ITGB4: variants seen among roughly 807,000 people sequenced by gnomAD.
The protein encoded by ITGB4 is integrin subunit beta 4.
In ITGB4, 159 loss-of-function variants were observed where a neutral mutation model predicts 207.6. That is an observed-to-expected ratio of 0.77 (90% CI 0.67 to 0.87). The LOEUF is 0.87. ITGB4 is among the 40% of genes least tolerant of loss of function. The probability of loss-of-function intolerance (pLI) is 0.00; values close to 1 mark genes in which losing one functional copy is unlikely to be tolerated. For synonymous variants in ITGB4, 1,020 were observed against 1,062.7 expected (o/e 0.96, Z 0.78); for missense variants, 2,278 against 2,546.8 (o/e 0.89, Z 2.27).
chr17:75,739,773 A>C lies in ITGB4; in HGVS notation c.2254+68A>C. On this transcript the variant is annotated intron_variant, in intron 19 of 39. Coordinates refer to ENST00000200181, the MANE Select transcript of ITGB4 (RefSeq NM_000213.5). This position sits in a 1 kb window ranked among gnomAD's most constrained non-coding sequence, Gnocchi z 5.4. ...TCTTTCTCTGAGCTGGGGTGGAGGGAAGCTGAACCTGGAACGGCAGAGGCT... is the reference window on the plus strand; with the variant it reads ...TCTTTCTCTGAGCTGGGGTGGAGGGCAGCTGAACCTGGAACGGCAGAGGCT... The C allele has an allele frequency of 1.9e-6, 3 of 1,611,350 alleles. No homozygotes were observed. Among genetic ancestry groups the C allele is most frequent in the Non-Finnish European group, 2.5e-6 (3 of 1,177,778 alleles).
chr17:75,748,853 G>A lies in ITGB4; in HGVS notation c.3124G>A (p.Val1042Met), dbSNP rs141564265. The stretch of plus-strand genomic sequence containing the variant: ...CCTCCACTCCCAGGACTACATCCCC[G>A]TGGAGGGTGAGCTGCTGTTCCAGCC... Reference protein sequence around the residue: ...TAQGNRDYIPVEGELLFQPGE... With the variant: ...TAQGNRDYIPMEGELLFQPGE... The change falls in exon 27 of 40, where the codon GTG becomes ATG. Residue 1042 changes from valine (V) to methionine (M), a missense_variant. Transcript: ENST00000200181. The A allele has an allele frequency of 6.9e-5, 111 of 1,610,440 alleles. No individual in the cohort carries two copies. The highest frequency in any genetic ancestry group is 9.0e-5 in the Non-Finnish European group (106 of 1,178,948).
intron 30 of ITGB4, 79 bp from the exon 31 acceptor site, chr17:75,752,095 G>A: frequency 1.3e-6 from 2 of 1,482,264 alleles, no homozygotes; most frequent in Non-Finnish European, 1.9e-6. Flanking sequence ...GGGATGCACG[G>A]CCGTCCTGCT....
In ITGB4 at chr17:75,750,207, C is replaced by T. The variant is rs1381451129; in HGVS notation, c.3413C>T (p.Ala1138Val). Residue 1138 changes from alanine (A) to valine (V), a missense_variant, in exon 28 of 40, where the codon GCT becomes GTT. Coordinates refer to ENST00000200181, the MANE Select transcript of ITGB4 (RefSeq NM_000213.5). The surrounding 1 kb of genome is among the most constrained non-coding windows in gnomAD (Gnocchi z 5.5). ...CCGCAGAACCCCAATGCTAAGGCCG[C>T]TGGGTCCAGGAAGATCCATTTCAAC... ...GAPQNPNAKA[A>V]GSRKIHFNWL... is the part of the protein sequence containing the mutation. The T allele has an allele frequency of 6.2e-7, 1 of 1,613,728 alleles. No homozygotes were observed. Among genetic ancestry groups the T allele is most frequent in the Non-Finnish European group, 8.5e-7 (1 of 1,180,028 alleles).
At chr17:75,753,690 C>G in intron 32 of ITGB4, 75 bp from the exon 33 acceptor site, 1 of 1,027,706 alleles carries the variant, frequency 9.7e-7, no homozygotes, top group East Asian at 3.2e-5. Context: ...GCAGAGCCTA[C>G]GGCCTTCCCC....
chr17:75,739,531 C>G lies in ITGB4; in HGVS notation c.2221-141C>G, dbSNP rs1007197623. The stretch of plus-strand genomic sequence containing the variant: ...TGCCCTTGTGTGCCATGCTTACACC[C>G]TGCTACCACCTGGATATTCTGGTGT... On this transcript the variant is annotated intron_variant, in intron 18 of 39. Coordinates refer to ENST00000200181, the MANE Select transcript of ITGB4 (RefSeq NM_000213.5). This position sits in a 1 kb window ranked among gnomAD's most constrained non-coding sequence, Gnocchi z 5.4. 1 of 951,696 alleles carries G rather than the reference C, an allele frequency of 1.1e-6. No individual in the cohort carries two copies. The allele number at this position is 951,696 out of a possible 1,614,324, so 59.0% of individuals were successfully genotyped here. A position where few individuals can be genotyped will look rare whatever the true frequency, so the allele number is the denominator to read the frequency against.
chr17:75,724,160 A>C (rs571196163), intron 1 of ITGB4, among the ~76,000 whole-genome samples: 2 of 152,328 alleles, frequency 1.3e-5, no homozygotes, highest in East Asian at 3.9e-4. Flanking sequence ...AACCCGGTGC[A>C]GTAAGCCACT....
intron 27 of ITGB4, among the ~76,000 whole-genome samples, chr17:75,749,656 G>A (rs1349531291): frequency 6.6e-6 from 1 of 152,216 alleles, no homozygotes; most frequent in Non-Finnish European, 1.5e-5. Flanking sequence ...TCAGACCCTG[G>A]CCCTTTGGCT....
intron 13 of ITGB4, among the ~76,000 whole-genome samples, chr17:75,734,131 T>TG (rs2060924351): frequency 7.3e-6 from 1 of 137,274 alleles, no homozygotes. Context: ...GCTGCTGTTT[T>TG]TTTTTTTTTT....
At chr17:75,738,667 G>A (rs140162164) in intron 18 of ITGB4, among the ~76,000 whole-genome samples, 275 of 152,364 alleles carry the variant, frequency 1.8e-3, no homozygotes, top group African/African-American at 6.3e-3. Context: ...CTGCCCGCCC[G>A]CAGCTGGCGG....
In ITGB4 at chr17:75,742,635, G is replaced by A. The variant is rs535052692; in HGVS notation, c.2836G>A (p.Val946Met). The A allele has an allele frequency of 1.9e-6, 3 of 1,614,068 alleles. No homozygotes were observed. Among genetic ancestry groups the A allele is most frequent in the Middle Eastern group, 1.6e-4 (1 of 6,062 alleles). Residue 946 changes from valine (V) to methionine (M), a missense_variant, in exon 25 of 40, where the codon GTG becomes ATG. Physicochemically the swap from Val to Met is conservative, Grantham distance 21. Transcript: ENST00000200181. The surrounding 1 kb of genome is among the most constrained non-coding windows in gnomAD (Gnocchi z 5.9). ...GGGCGTGGAGCTGGTGGACGTACGGGTGCCCCTCTTTATCCGGCCTGAGGA... is the reference window on the plus strand; with the variant it reads ...GGGCGTGGAGCTGGTGGACGTACGGATGCCCCTCTTTATCCGGCCTGAGGA... ...QEGVELVDVRVPLFIRPEDDD... is the reference protein window; with the variant it reads ...QEGVELVDVRMPLFIRPEDDD...
In ITGB4 at chr17:75,740,729, C is replaced by T. The variant is rs2061089010; in HGVS notation, c.2551-64C>T. 5 of 1,580,338 alleles carry T rather than the reference C, an allele frequency of 3.2e-6. No homozygotes were observed. In the Admixed American group the frequency reaches 5.0e-5, roughly 16 times the overall value. ...AGAGGCTGCCTGGCTCCCTGGGTCC[C>T]CAGCCTGAGGGCTTGCCACGGGGTG... On this transcript the variant is annotated intron_variant, in intron 21 of 39. Coordinates refer to ENST00000200181, the MANE Select transcript of ITGB4 (RefSeq NM_000213.5). This position sits in a 1 kb window ranked among gnomAD's most constrained non-coding sequence, Gnocchi z 5.9.
intron 36 of ITGB4, 35 bp from the exon 37 acceptor site, chr17:75,756,669 C>A (rs1212821200): frequency 6.2e-7 from 1 of 1,613,298 alleles, no homozygotes; most frequent in Admixed American, 1.7e-5. Context: ...CCACCACCCA[C>A]CCACAGGCTG....
At position 75,732,017 on chromosome 17, in the gene ITGB4, G is replaced by C. The variant is rs1303786072; in HGVS notation, c.1377+44G>C. ...GGGCGGGAGGGGAGAGCTGAGCCAA[G>C]CACCCAGGGACCCTGAGGAATGAAG... On this transcript the variant is annotated intron_variant, in intron 11 of 39. Transcript: ENST00000200181. This position sits in a 1 kb window ranked among gnomAD's most constrained non-coding sequence, Gnocchi z 5.3. 1.2e-6 allele frequency: 2 copies of C among 1,613,558 alleles called. No individual in the cohort carries two copies. The highest frequency in any genetic ancestry group is 3.3e-5 in the Admixed American group (2 of 60,024).
At chr17:75,743,962 C>A in intron 26 of ITGB4, 101 bp downstream of exon 26, 2 of 1,316,906 alleles carry the variant, frequency 1.5e-6, no homozygotes, top group Non-Finnish European at 1.0e-6. Context: ...GCTTGAGTCC[C>A]TGGATACTGG....
At chr17:75,749,932 C>T (rs761853587) in intron 27 of ITGB4, among the ~76,000 whole-genome samples, 179 bp from the exon 28 acceptor site, 6 of 152,244 alleles carry the variant, frequency 3.9e-5, no homozygotes, top group Non-Finnish European at 7.3e-5. Flanking sequence ...CTCCGCCAAG[C>T]TTGGCAGGAT....
Position 75,730,807 on chromosome 17 carries a change from G to A in ITGB4, c.1003-68G>A, listed in dbSNP as rs2060839575. ...CCTCAGTTTCCCCATCCTCAAAGTG[G>A]GAAGAATCCTAGAGCTGTTCAGATT... On this transcript the variant is annotated intron_variant, in intron 8 of 39. Transcript: ENST00000200181. The A allele has an allele frequency of 1.1e-5, 16 of 1,403,820 alleles. No homozygotes were observed. The South Asian group carries it at 1.8e-4, about 16-fold the overall frequency. The allele number at this position is 1,403,820 out of a possible 1,614,324, so 87.0% of individuals were successfully genotyped here. A position where few individuals can be genotyped will look rare whatever the true frequency, so the allele number is the denominator to read the frequency against.
Position 75,742,853 on chromosome 17 carries a change from G to A in ITGB4, c.2962+92G>A. ...AGTGGAATTGCGACCTGGCCACGTG[G>A]CCTGGGCTAGTCACTTAACCTCTGC... On this transcript the variant is annotated intron_variant, in intron 25 of 39. Coordinates refer to ENST00000200181, the MANE Select transcript of ITGB4 (RefSeq NM_000213.5). The surrounding 1 kb of genome is among the most constrained non-coding windows in gnomAD (Gnocchi z 5.9). The A allele has an allele frequency of 8.1e-7, 1 of 1,227,890 alleles. No homozygotes were observed. The highest frequency in any genetic ancestry group is 1.4e-5 in the South Asian group (1 of 72,598). 76.1% of individuals were successfully genotyped at this position (1,227,890 alleles called of 1,614,324 possible).
chr17:75,757,489 G>C lies in ITGB4; in HGVS notation c.5403G>C (p.Val1801=), dbSNP rs766023095. 1.2e-6 allele frequency: 2 copies of C among 1,613,058 alleles called. No homozygotes were observed. The highest frequency in any genetic ancestry group is 2.7e-5 in the African/African-American group (2 of 74,910). ...SLTRHVTQEF[V]SRTLTTSGTL... ...CCCGGCATGTGACCCAGGAGTTTGT[G>C]AGCCGGACACTGACCACCAGCGGAA... Residue 1801 remains valine, a synonymous_variant, in exon 40 of 40, where the codon GTG becomes GTC. Transcript: ENST00000200181.
In ITGB4 at chr17:75,728,457, G is replaced by A; in HGVS notation, c.550G>A (p.Asp184Asn). 2 of 1,614,028 alleles carry A rather than the reference G, an allele frequency of 1.2e-6. No individual in the cohort carries two copies. The highest frequency in any genetic ancestry group is 1.7e-5 in the Admixed American group (1 of 60,030). The change falls in exon 6 of 40, where the codon GAC (aspartate) becomes AAC (asparagine). Residue 184 changes from aspartate to asparagine, a missense_variant. Asp to Asn is a conservative substitution (Grantham distance 23). Coordinates refer to ENST00000200181, the MANE Select transcript of ITGB4 (RefSeq NM_000213.5). The part of the protein sequence containing the change: ...FVDKVSVPQT[D>N]MRPEKLKEPW... ...GGACAAAGTCAGCGTCCCGCAGACG[G>A]ACATGAGGCCTGAGAAGTAAGTGAC...
Sources: allele counts gnomAD v4.1 joint callset (sites outside exome capture counted in the v4.1 genomes callset), GRCh38; gene constraint gnomAD v4.1.1; non-coding constraint Gnocchi (gnomAD v3.1); transcripts MANE v1.5; gene names NCBI Gene and HGNC (gene_info 2026-07-23, HGNC 2026-07-21).